Variants in TRAF3IP3 observed in about 807,000 individuals in gnomAD.
TRAF3IP3 encodes TRAF3-interacting JNK-activating modulator.
A neutral mutation model predicts 86.5 loss-of-function variants in TRAF3IP3; 64 were observed. The observed-to-expected ratio is 0.74, with a 90% confidence interval of 0.60 to 0.91. The LOEUF (loss-of-function observed/expected upper bound fraction) is 0.91. TRAF3IP3 is among the 40% of genes least tolerant of loss of function. The probability of loss-of-function intolerance (pLI) is 0.00; values close to 1 mark genes in which losing one functional copy is unlikely to be tolerated. For missense variants in TRAF3IP3, 579 were observed against 642.9 expected, an observed-to-expected ratio of 0.90 and a Z score of 1.07; for synonymous variants, 220 against 243.9, an observed-to-expected ratio of 0.90 and a Z score of 0.91.
At chr1:209,771,729 G>A (rs375178247) in intron 8 of TRAF3IP3, among the ~76,000 whole-genome samples, 13 of 144,120 alleles carry the variant, frequency 9.0e-5, no homozygotes, top group African/African-American at 1.8e-4. Context: ...GGAAGTGTAC[G>A]TGTGCATGTG....
chr1:209,758,340 T>C (rs2077188265), intron 1 of TRAF3IP3, among the ~76,000 whole-genome samples: 1 of 152,118 alleles, frequency 6.6e-6, no homozygotes, highest in Non-Finnish European at 1.5e-5. Flanking sequence ...TTGGAATCAA[T>C]GCTGCCTGAC....
chr1:209,782,197 G>A lies in TRAF3IP3; in HGVS notation c.*49G>A, dbSNP rs747546306. ...GTGAAAATCAGAAGCAAGCAACTCA[G>A]CGAAAAACTCAGAAGGTTTGGGTAC... On this transcript the variant is annotated 3_prime_UTR_variant, in exon 17 of 17. Coordinates refer to ENST00000367025, the MANE Select transcript of TRAF3IP3 (RefSeq NM_025228.4). The A allele has an allele frequency of 1.9e-5, 28 of 1,491,310 alleles. No homozygotes were observed. Among genetic ancestry groups the A allele is most frequent in the Non-Finnish European group, 2.6e-5 (28 of 1,068,062 alleles). 92.4% of individuals were successfully genotyped at this position (1,491,310 alleles called of 1,614,324 possible). A position where few individuals can be genotyped will look rare whatever the true frequency, so the allele number is the denominator to read the frequency against.
At chr1:209,768,405 G>A in intron 8 of TRAF3IP3, 1 of 985,488 alleles carries the variant, frequency 1.0e-6, no homozygotes, top group Non-Finnish European at 1.2e-6. Context: ...AGCAGAGAAA[G>A]CAAGCTTTCA....
In TRAF3IP3 at chr1:209,760,218, C is replaced by T; in HGVS notation, c.179C>T (p.Ala60Val). 1 of 1,614,232 alleles carries T rather than the reference C, an allele frequency of 6.2e-7. No individual in the cohort carries two copies. The highest frequency in any genetic ancestry group is 1.1e-5 in the South Asian group (1 of 91,088). Residue 60 changes from alanine to valine, a missense_variant, in exon 3 of 17, where the codon GCT becomes GTT. Physicochemically the swap from Ala to Val is moderately conservative, Grantham distance 64 (BLOSUM62 0). Coordinates refer to ENST00000367025, the MANE Select transcript of TRAF3IP3 (RefSeq NM_025228.4). ...CAACAGAGAGAGCAGCTCCAGAGAG[C>T]TCGACTGCAGCAGTTCTTCAGGAGG... ...RIQQREQLQR[A>V]RLQQFFRRRN...
At chr1:209,760,508 A>G (rs756929285) in intron 3 of TRAF3IP3, 124 bp downstream of exon 3, 15 of 817,674 alleles carry the variant, frequency 1.8e-5, no homozygotes, top group Non-Finnish European at 2.8e-5. Flanking sequence ...GTCATATAGT[A>G]AAGTTGCCAA....
chr1:209,764,515 G>A (rs2077303985), intron 8 of TRAF3IP3, among the ~76,000 whole-genome samples: 1 of 152,170 alleles, frequency 6.6e-6, no homozygotes, highest in African/African-American at 2.4e-5. Context: ...CCCGAGGCGG[G>A]TGGATCACCT....
At position 209,757,148 on chromosome 1, in the gene TRAF3IP3, G is replaced by C. The variant is rs533673089; in HGVS notation, c.-160+839G>C. On this transcript the variant is annotated intron_variant, in intron 1 of 16. Transcript: ENST00000367025. The stretch of plus-strand genomic sequence containing the variant: ...AATCCTAGCAGGTGTGGTAGCCAAG[G>C]CATCTGGGAACACTCCCCTCTCTAA... 2.8e-4 allele frequency among the ~76,000 whole-genome samples: 42 copies of C among 152,346 alleles called. 1 individual carries two copies. The South Asian group carries it at 8.5e-3, about 31-fold the overall frequency.
intron 11 of TRAF3IP3, chr1:209,775,987 T>A (rs181074717): frequency 2.1e-4 from 80 of 379,314 alleles, no homozygotes; most frequent in African/African-American, 1.4e-3. Flanking sequence ...ACCACCCAAA[T>A]GAAAAGAACT....
rs532039513 is a variant in TRAF3IP3 at position 209,762,660 on chromosome 1, G to A, written c.491G>A (p.Arg164His). The change falls in exon 4 of 17, where the codon CGT becomes CAT. Residue 164 changes from arginine to histidine, a missense_variant and splice_region_variant. By Grantham distance (29) the Arg-to-His change is conservative. Transcript: ENST00000367025. ...ATCAAGAAGCCACCCAAACACCACCGTGGTAAGAGCAGAGCCTCCCTCACT... is the reference window on the plus strand; with the variant it reads ...ATCAAGAAGCCACCCAAACACCACCATGGTAAGAGCAGAGCCTCCCTCACT... ...TPIKKPPKHH[R>H]GTQTKAEGPT... The A allele has an allele frequency of 3.3e-5, 44 of 1,344,914 alleles. No individual in the cohort carries two copies. The highest frequency in any genetic ancestry group is 1.9e-4 in the Middle Eastern group (1 of 5,144). 83.3% of individuals were successfully genotyped at this position (1,344,914 alleles called of 1,614,324 possible).
Position 209,760,152 on chromosome 1 carries a change from A to G in TRAF3IP3, c.113A>G (p.Asn38Ser), listed in dbSNP as rs150652900. The change falls in exon 3 of 17, where the codon AAT (asparagine) becomes AGT (serine). Residue 38 changes from asparagine to serine, a missense_variant. Physicochemically the swap from Asn to Ser is conservative, Grantham distance 46. Coordinates refer to ENST00000367025, the MANE Select transcript of TRAF3IP3 (RefSeq NM_025228.4). The stretch of plus-strand genomic sequence containing the variant: ...CGTGAAAGCCGCCGCTGCCGTCCCA[A>G]TGTGACCACTTGCCGCCAGGTGGGG... ...EIRESRRCRP[N>S]VTTCRQVGKT... 1.9e-5 allele frequency: 31 copies of G among 1,614,104 alleles called. No individual in the cohort carries two copies. Among genetic ancestry groups the G allele is most frequent in the Admixed American group, 1.3e-4 (8 of 60,014 alleles).
chr1:209,780,514 G>A lies in TRAF3IP3; in HGVS notation c.1357G>A (p.Val453Met). The A allele has an allele frequency of 6.2e-7, 1 of 1,602,566 alleles. No homozygotes were observed. The highest frequency in any genetic ancestry group is 8.5e-7 in the Non-Finnish European group (1 of 1,174,186). Residue 453 changes from valine to methionine, a missense_variant, in exon 15 of 17, where the codon GTG becomes ATG. Coordinates refer to ENST00000367025, the MANE Select transcript of TRAF3IP3 (RefSeq NM_025228.4). ...VWSPKSFPNE[V>M]EPEGTGKEKD... is the part of the protein sequence containing the mutation. The stretch of plus-strand genomic sequence containing the variant: ...GAGTCCAAAGTCCTTCCCTAACGAA[G>A]TGGAGCCTGAGGGTACAGGGAAGGA...
At chr1:209,762,994 A>C in intron 5 of TRAF3IP3, 74 bp from the exon 6 acceptor site, 1 of 1,589,444 alleles carries the variant, frequency 6.3e-7, no homozygotes, top group South Asian at 1.1e-5. Flanking sequence ...GGCTCTTCAG[A>C]AGGAATCAAC....
At chr1:209,780,742 G>A (rs2077759863) in intron 15 of TRAF3IP3, 136 bp downstream of exon 15, 1 of 811,972 alleles carries the variant, frequency 1.2e-6, no homozygotes, top group African/African-American at 1.8e-5. Flanking sequence ...TACATAAAGT[G>A]TCTGTGCTTT....
intron 8 of TRAF3IP3, among the ~76,000 whole-genome samples, chr1:209,770,106 C>T (rs985569059): frequency 3.9e-5 from 6 of 152,172 alleles, no homozygotes; most frequent in African/African-American, 1.4e-4. Context: ...GCCTTGCTCC[C>T]CTCTCGCCCT....
intron 8 of TRAF3IP3, among the ~76,000 whole-genome samples, chr1:209,767,616 G>A (rs775026379): frequency 2.6e-5 from 4 of 151,928 alleles, no homozygotes; most frequent in Non-Finnish European, 4.4e-5. Flanking sequence ...CTTGAGCCCA[G>A]GAGGTCCAGG....
Position 209,760,009 on chromosome 1 carries a change from A to C in TRAF3IP3, c.-31A>C, listed in dbSNP as rs748644532. The C allele has an allele frequency of 6.4e-7, 1 of 1,568,900 alleles. No individual in the cohort carries two copies. The highest frequency in any genetic ancestry group is 8.7e-7 in the Non-Finnish European group (1 of 1,143,658). The stretch of plus-strand genomic sequence containing the variant: ...CCAGGCATCTATTCCAGGAACTGGA[A>C]GCCAAGCGCAACAGGTGCTTGGAGG... On this transcript the variant is annotated 5_prime_UTR_variant, in exon 3 of 17. Coordinates refer to ENST00000367025, the MANE Select transcript of TRAF3IP3 (RefSeq NM_025228.4).
At chr1:209,777,865 TAGAG>T in intron 12 of TRAF3IP3, 1 of 555,336 alleles carries the variant, frequency 1.8e-6, no homozygotes, top group Middle Eastern at 4.7e-4. Flanking sequence ...TGTCCGCTGA[TAGAG>T]AGGACTAGAT....
chr1:209,779,209 C>A, intron 13 of TRAF3IP3, 106 bp from the exon 14 acceptor site: 1 of 825,044 alleles, frequency 1.2e-6, no homozygotes, highest in Non-Finnish European at 2.0e-6. Flanking sequence ...CAACACACAG[C>A]AGATGGGAAC....
intron 8 of TRAF3IP3, among the ~76,000 whole-genome samples, chr1:209,770,706 TGTGTGCAGGTGGAGGTGTGC>T (rs2077462685): frequency 1.9e-3 from 238 of 127,536 alleles, no homozygotes; most frequent in South Asian, 4.9e-3. Flanking sequence ...TGGAGGTGTG[TGTGTGCAGGTGGAGGTGTGC>T]GTGTGCAGGT....
Sources: gnomAD v4.1 joint callset for allele counts (sites outside exome capture counted in the v4.1 genomes callset) on GRCh38, gnomAD v4.1.1 for gene constraint, MANE v1.5 for transcripts, NCBI Gene and HGNC (gene_info 2026-07-23, HGNC 2026-07-21) for gene names.